The following CTDSPL variants were observed in gnomAD, a reference collection of about 807,000 sequenced individuals.
CTDSPL encodes the protein CTD small phosphatase like.
CTDSPL carries 8 observed loss-of-function variants against 30.5 expected under a neutral mutation model. The observed-to-expected ratio is 0.26, with a 90% CI of 0.15 to 0.47. The LOEUF is 0.47. Ranked by LOEUF, CTDSPL falls within the 20% of genes least tolerant of loss-of-function variation. The pLI is 0.99. For synonymous variants in CTDSPL, 110 were observed against 137.9 expected (o/e 0.80, Z 1.42); for missense variants, 248 against 366.1 (o/e 0.68, Z 2.63).
intron 1 of CTDSPL, among the ~76,000 whole-genome samples, chr3:37,919,396 G>A (rs1030465792): frequency 5.3e-5 from 8 of 152,154 alleles, no homozygotes; most frequent in African/African-American, 1.9e-4. Flanking sequence ...CAGAAAAACA[G>A]TATTGGAATT....
chr3:37,862,878 A>G lies in CTDSPL; in HGVS notation c.79+600A>G, dbSNP rs1697961005. On this transcript the variant is annotated intron_variant, in intron 1 of 7. Transcript: ENST00000273179. This position sits in a 1 kb window ranked among gnomAD's most constrained non-coding sequence, Gnocchi z 4.3. ...TGTGAGTGTGTATGATTGTGTGACT[A>G]CACCACCCAACTGGCGGATTGAATG... 6.6e-6 allele frequency among the ~76,000 whole-genome samples: 1 copy of G among 152,050 alleles called. No homozygotes were observed. Among genetic ancestry groups the G allele is most frequent in the African/African-American group, 2.4e-5 (1 of 41,384 alleles).
intron 1 of CTDSPL, among the ~76,000 whole-genome samples, chr3:37,885,534 T>A (rs2125594103): frequency 6.6e-6 from 1 of 152,210 alleles, no homozygotes; most frequent in Middle Eastern, 3.4e-3. Context: ...TGGTGTGAGC[T>A]ACTGTGGGGT....
intron 1 of CTDSPL, among the ~76,000 whole-genome samples, chr3:37,897,746 C>T (rs1217871816): frequency 8.6e-5 from 13 of 152,032 alleles, no homozygotes; most frequent in Non-Finnish European, 1.6e-4. Context: ...GGTCAAGCAT[C>T]AGAAGTGAGA....
rs1318213911 is a variant in CTDSPL at position 37,862,952 on chromosome 3, A to C, written c.79+674A>C. Among the ~76,000 whole-genome samples the C allele has an allele frequency of 6.6e-6, 1 of 152,218 alleles. No individual in the cohort carries two copies. Among genetic ancestry groups the C allele is most frequent in the African/African-American group, 2.4e-5 (1 of 41,432 alleles). ...GCGTGTGTGTGTGTAAATTGTATAC[A>C]ATGAGGCTGTGTGCATCAGTGCACC... On this transcript the variant is annotated intron_variant, in intron 1 of 7. Transcript: ENST00000273179. The surrounding 1 kb of genome is among the most constrained non-coding windows in gnomAD (Gnocchi z 4.3).
chr3:37,924,187 G>A (rs1292135756), intron 1 of CTDSPL, among the ~76,000 whole-genome samples: 1 of 152,202 alleles, frequency 6.6e-6, no homozygotes, highest in Non-Finnish European at 1.5e-5. Context: ...AACTAAGGCT[G>A]TTAACATTAT....
At chr3:37,912,512 A>G (rs1270225633) in intron 1 of CTDSPL, among the ~76,000 whole-genome samples, 4 of 152,186 alleles carry the variant, frequency 2.6e-5, no homozygotes, top group African/African-American at 7.2e-5. Context: ...TGTATTCAGG[A>G]TGGGAAAGAA....
In CTDSPL at chr3:37,981,546, A is replaced by G. The variant is rs1223546266; in HGVS notation, c.*679A>G. 7.7e-6 allele frequency: 2 copies of G among 258,500 alleles called. No homozygotes were observed. The highest frequency in any genetic ancestry group is 2.3e-5 in the African/African-American group (1 of 43,638). 16.0% of individuals were successfully genotyped at this position (258,500 alleles called of 1,614,324 possible). On this transcript the variant is annotated 3_prime_UTR_variant, in exon 8 of 8. Transcript: ENST00000273179. ...CATGACTATGTCATTGTCTCCACTC[A>G]TTTTTGACCCAGTTTGGAATGTATC...
At chr3:37,891,540 T>C (rs1559625988) in intron 1 of CTDSPL, among the ~76,000 whole-genome samples, 1 of 152,214 alleles carries the variant, frequency 6.6e-6, no homozygotes, top group Admixed American at 6.5e-5. Context: ...TAGAGTGCCG[T>C]TTTATAGTGG....
intron 1 of CTDSPL, among the ~76,000 whole-genome samples, chr3:37,914,209 G>GA (rs1273337588): frequency 6.6e-6 from 1 of 152,090 alleles, no homozygotes; most frequent in South Asian, 2.1e-4. Context: ...AATTGCAACT[G>GA]AAAATTTTTC....
intron 1 of CTDSPL, among the ~76,000 whole-genome samples, chr3:37,873,447 A>G (rs2125589267): frequency 6.6e-6 from 1 of 152,260 alleles, no homozygotes; most frequent in African/African-American, 2.4e-5. Context: ...CTACCAGGCA[A>G]AAAGAAAACC....
intron 1 of CTDSPL, among the ~76,000 whole-genome samples, chr3:37,932,340 C>T (rs1395836772): frequency 2.0e-5 from 3 of 152,086 alleles, no homozygotes; most frequent in Non-Finnish European, 4.4e-5. Context: ...GATGTGACTT[C>T]CTAAAAGCTT....
chr3:37,943,396 A>G (rs1441704774), intron 1 of CTDSPL, among the ~76,000 whole-genome samples: 3 of 149,916 alleles, frequency 2.0e-5, no homozygotes, highest in Non-Finnish European at 1.5e-5. Flanking sequence ...TGAGGAGTCT[A>G]CCATGGAGGA....
At chr3:37,900,283 G>A (rs1005321738) in intron 1 of CTDSPL, among the ~76,000 whole-genome samples, 3 of 152,170 alleles carry the variant, frequency 2.0e-5, no homozygotes, top group African/African-American at 7.2e-5. Context: ...CGGACATAAG[G>A]CAATAGAATT....
chr3:37,953,523 G>A (rs1198620096), intron 2 of CTDSPL, among the ~76,000 whole-genome samples: 1 of 152,184 alleles, frequency 6.6e-6, no homozygotes, highest in African/African-American at 2.4e-5. Context: ...ATTACAGTAG[G>A]TGACAGTTTC....
intron 1 of CTDSPL, among the ~76,000 whole-genome samples, chr3:37,927,684 G>GTGTGTGTATATA (rs372845166): frequency 8.5e-6 from 1 of 117,760 alleles, no homozygotes. Flanking sequence ...GTGTGTATGT[G>GTGTGTGTATATA]TATATATATA....
At chr3:37,957,036 G>A (rs1158621785) in intron 2 of CTDSPL, 75 bp from the exon 3 acceptor site, 3 of 1,195,258 alleles carry the variant, frequency 2.5e-6, no homozygotes, top group Non-Finnish European at 2.5e-6. Context: ...GTGCTCAAGA[G>A]GGCTTTGAAG....
chr3:37,906,097 ACT>A (rs1173051217), intron 1 of CTDSPL, among the ~76,000 whole-genome samples: 7 of 151,466 alleles, frequency 4.6e-5, no homozygotes, highest in East Asian at 3.9e-4. Context: ...CTCCACATCT[ACT>A]CTCTGTCCTA....
At chr3:37,936,119 T>C (rs1698912409) in intron 1 of CTDSPL, among the ~76,000 whole-genome samples, 2 of 152,152 alleles carry the variant, frequency 1.3e-5, no homozygotes, top group Non-Finnish European at 2.9e-5. Context: ...GCAGAATCCC[T>C]CCTGACCATT....
At chr3:37,867,229 T>C (rs1305799345) in intron 1 of CTDSPL, among the ~76,000 whole-genome samples, 4 of 152,220 alleles carry the variant, frequency 2.6e-5, no homozygotes, top group African/African-American at 9.6e-5. Flanking sequence ...TCTTTTGGAA[T>C]TGCTTTTTTT....
Sources: gnomAD v4.1 joint callset for allele counts (sites outside exome capture counted in the v4.1 genomes callset) on GRCh38, gnomAD v4.1.1 for gene constraint, Gnocchi (gnomAD v3.1) non-coding constraint, MANE v1.5 for transcripts, NCBI Gene and HGNC (gene_info 2026-07-23, HGNC 2026-07-21) for gene names.